Variants in EEA1 observed in about 807,000 individuals in gnomAD.
The protein encoded by EEA1 is early endosome antigen 1.
In EEA1, 111 loss-of-function variants were observed where a neutral mutation model predicts 209.2. The ratio of observed to expected loss-of-function variants is 0.53; its 90% CI spans 0.45 to 0.62. The LOEUF (loss-of-function observed/expected upper bound fraction) is 0.62. EEA1 is among the 20% of genes least tolerant of loss of function. EEA1 has a pLI of 0.00. For synonymous variants in EEA1, 536 were observed against 540.6 expected (o/e 0.99, Z 0.12); for missense variants, 1,343 against 1,530.8 (o/e 0.88, Z 2.05).
chr12:92,808,792 C>A (rs867640130), intron 18 of EEA1, among the ~76,000 whole-genome samples: 54 of 151,960 alleles, frequency 3.6e-4, no homozygotes, highest in African/African-American at 1.3e-3. Context: ...ACTGGATGAC[C>A]CAAATTTTAT....
chr12:92,915,857 A>G (rs1880744378), intron 1 of EEA1, among the ~76,000 whole-genome samples: 1 of 152,188 alleles, frequency 6.6e-6, no homozygotes, highest in Admixed American at 6.5e-5. Context: ...TATTTCCAGT[A>G]TCTGTATATG....
At chr12:92,921,759 G>GAAAAAAAAAAAAAAAAAAAAAA (rs751838383) in intron 1 of EEA1, among the ~76,000 whole-genome samples, 1 of 76,716 alleles carries the variant, frequency 1.3e-5, no homozygotes, top group Non-Finnish European at 2.4e-5. Context: ...TAAAAAAAAA[G>GAAAAAAAAAAAAAAAAAAAAAA]AAAAAAAAAA....
chr12:92,914,110 T>C (rs1880678162), intron 1 of EEA1, among the ~76,000 whole-genome samples: 1 of 152,134 alleles, frequency 6.6e-6, no homozygotes, highest in Admixed American at 6.5e-5. Flanking sequence ...AAAGTATCCT[T>C]TCCCCGCTGC....
chr12:92,795,376 G>A (rs534854646), intron 21 of EEA1, among the ~76,000 whole-genome samples: 6 of 152,144 alleles, frequency 3.9e-5, no homozygotes, highest in South Asian at 2.1e-4. Flanking sequence ...GTTTCTCTAC[G>A]CACTAAAGTA....
At chr12:92,826,662 C>T (rs1247901507) in intron 12 of EEA1, among the ~76,000 whole-genome samples, 1 of 150,042 alleles carries the variant, frequency 6.7e-6, no homozygotes, top group Admixed American at 6.6e-5. Context: ...TCGCAGTGAG[C>T]CGAGATTGCG....
In EEA1 at chr12:92,772,386, A is replaced by C. The variant is rs1165722884; in HGVS notation, c.*3625T>G. 1.3e-5 allele frequency: 2 copies of C among 151,936 alleles called. No homozygotes were observed. The highest frequency in any genetic ancestry group is 3.2e-3 in the Middle Eastern group (1 of 316). 9.4% of individuals were successfully genotyped at this position (151,936 alleles called of 1,614,324 possible). On this transcript the variant is annotated 3_prime_UTR_variant, in exon 29 of 29. Coordinates refer to ENST00000322349, the MANE Select transcript of EEA1 (RefSeq NM_003566.4). ...TTACTATTCGAAATTGAACAACATT[A>C]AAACACCACTGTCTATATCCAAGTG...
Position 92,891,801 on chromosome 12 carries a change from C to A in EEA1, c.25-80G>T, listed in dbSNP as rs887459564. On this transcript the variant is annotated intron_variant, in intron 1 of 28. Coordinates refer to ENST00000322349, the MANE Select transcript of EEA1 (RefSeq NM_003566.4). ...TTCATCGGCCATTTAATAATCTAAA[C>A]CTTTTCACATAAGAAAAGTAGATGT... 3.7e-5 allele frequency: 36 copies of A among 985,112 alleles called. No homozygotes were observed. The Admixed American group carries it at 7.5e-4, about 21-fold the overall frequency. 61.0% of individuals were successfully genotyped at this position (985,112 alleles called of 1,614,324 possible). A position where few individuals can be genotyped will look rare whatever the true frequency, so the allele number is the denominator to read the frequency against.
intron 1 of EEA1, among the ~76,000 whole-genome samples, chr12:92,927,799 C>A (rs1331544088): frequency 6.6e-6 from 1 of 152,224 alleles, no homozygotes; most frequent in Non-Finnish European, 1.5e-5. Flanking sequence ...CTGCCAAAAT[C>A]ATCGCTTACC....
At chr12:92,840,479 A>G (rs1224452907) in intron 10 of EEA1, among the ~76,000 whole-genome samples, 1 of 152,094 alleles carries the variant, frequency 6.6e-6, no homozygotes, top group African/African-American at 2.4e-5. Flanking sequence ...CACCCAGCTA[A>G]TTTTTGTATT....
At chr12:92,891,528 C>T in intron 2 of EEA1, 101 bp downstream of exon 2, 1 of 887,888 alleles carries the variant, frequency 1.1e-6, no homozygotes. Context: ...ACAAGAAAAA[C>T]TTGTGAGAAC....
Position 92,774,726 on chromosome 12 carries a change from C to G in EEA1, c.*1285G>C, listed in dbSNP as rs993946742. The G allele has an allele frequency of 1.3e-5, 2 of 151,462 alleles. No homozygotes were observed. The highest frequency in any genetic ancestry group is 4.8e-5 in the African/African-American group (2 of 41,364). The allele number at this position is 151,462 out of a possible 1,614,324, so 9.4% of individuals were successfully genotyped here. Reference sequence around the variant, plus strand: ...AAATACATTTGTTTTTGGTGATACTCTATTTCTAGGTGTTAGTTACTTAAA... The same window carrying G: ...AAATACATTTGTTTTTGGTGATACTGTATTTCTAGGTGTTAGTTACTTAAA... On this transcript the variant is annotated 3_prime_UTR_variant, in exon 29 of 29. Coordinates refer to ENST00000322349, the MANE Select transcript of EEA1 (RefSeq NM_003566.4).
At chr12:92,813,203 G>A (rs1875607148) in intron 15 of EEA1, 110 bp from the exon 16 acceptor site, 3 of 588,248 alleles carry the variant, frequency 5.1e-6, no homozygotes, top group South Asian at 7.3e-5. Context: ...TTAAGTCCTT[G>A]GCAAAAACAT....
chr12:92,802,397 T>C lies in EEA1; in HGVS notation c.2670+7A>G. 6.4e-7 allele frequency: 1 copy of C among 1,558,596 alleles called. No homozygotes were observed. Among genetic ancestry groups the C allele is most frequent in the Non-Finnish European group, 8.6e-7 (1 of 1,163,726 alleles). On this transcript the variant is annotated splice_region_variant and intron_variant, in intron 19 of 28. Coordinates refer to ENST00000322349, the MANE Select transcript of EEA1 (RefSeq NM_003566.4). ...TCTACCTAAGAAAGTAAATGTAAAC[T>C]ACTAACCAAGTCTAATATAGCGGCT...
chr12:92,781,961 GA>G lies in EEA1; in HGVS notation c.3324del (p.Gln1109ArgfsTer6). 1 of 1,605,510 alleles carries G rather than the reference GA, an allele frequency of 6.2e-7. No homozygotes were observed. The highest frequency in any genetic ancestry group is 8.5e-7 in the Non-Finnish European group (1 of 1,175,320). ...LQERCKALQDIQKEKSLKEKE... is the reference protein window; with the variant it reads ...LQERCKALQDXQKEKSLKEKE... The stretch of plus-strand genomic sequence containing the variant: ...GAAACATGCAATACCTTTTCTTTCT[GA>G]ATGTCTTGTAGTGCTTTACATCGCT... On this transcript the variant is annotated frameshift_variant, in exon 23 of 29. Coordinates refer to ENST00000322349, the MANE Select transcript of EEA1 (RefSeq NM_003566.4). LOFTEE classifies it high-confidence loss of function.
intron 9 of EEA1, among the ~76,000 whole-genome samples, chr12:92,845,168 A>G (rs1039044306): frequency 7.2e-5 from 11 of 152,142 alleles, no homozygotes; most frequent in African/African-American, 2.2e-4. Flanking sequence ...AAATTTTTAT[A>G]TAGATAAATT....
chr12:92,865,087 A>G (rs1878317680), intron 2 of EEA1, 100 bp from the exon 3 acceptor site: 2 of 910,786 alleles, frequency 2.2e-6, no homozygotes, highest in Admixed American at 3.7e-5. Flanking sequence ...AATCATACCA[A>G]TGGTGCCATT....
At chr12:92,830,148 T>C (rs1876560446) in intron 11 of EEA1, among the ~76,000 whole-genome samples, 1 of 152,138 alleles carries the variant, frequency 6.6e-6, no homozygotes, top group Admixed American at 6.5e-5. Context: ...ACCCCCTAAA[T>C]ATATTTTTTA....
At chr12:92,851,341 T>C (rs1315574960) in intron 8 of EEA1, 75 bp from the exon 9 acceptor site, 4 of 1,381,272 alleles carry the variant, frequency 2.9e-6, no homozygotes, top group Non-Finnish European at 4.0e-6. Context: ...ATCATTTCAC[T>C]ACAAAGGAAT....
intron 13 of EEA1, among the ~76,000 whole-genome samples, chr12:92,822,139 T>C (rs1000734779): frequency 6.6e-6 from 1 of 151,904 alleles, no homozygotes; most frequent in Non-Finnish European, 1.5e-5. Flanking sequence ...CGTTACCTCG[T>C]AGCTTCTTAA....
Sources: gnomAD v4.1 joint callset for allele counts (sites outside exome capture counted in the v4.1 genomes callset) on GRCh38, gnomAD v4.1.1 for gene constraint, MANE v1.5 for transcripts, NCBI Gene and HGNC (gene_info 2026-07-23, HGNC 2026-07-21) for gene names.